Variants in CSMD1 observed in about 807,000 individuals in gnomAD.
CSMD1 encodes CUB and Sushi multiple domains 1.
Under a neutral mutation model 417.5 loss-of-function variants are expected in CSMD1, and 213 were observed. The observed-to-expected ratio is 0.51, with a 90% CI of 0.46 to 0.57. CSMD1 has a LOEUF of 0.57. Among genes scored for constraint, CSMD1 ranks in the 20% least tolerant of loss-of-function variants. The pLI, the probability that CSMD1 is intolerant of heterozygous loss-of-function variation, is 0.00. For synonymous variants in CSMD1, 2,862 were observed against 1,736.8 expected, an observed-to-expected ratio of 1.65 and a Z score of -16.11; for missense variants, 6,923 against 4,529.7, an observed-to-expected ratio of 1.53 and a Z score of -15.17.
intron 3 of CSMD1, among the ~76,000 whole-genome samples, chr8:4,345,008 T>A (rs1171941081): frequency 6.6e-6 from 1 of 152,140 alleles, no homozygotes; most frequent in African/African-American, 2.4e-5. Context: ...TGTTTCATTC[T>A]TTCTAAGGCA....
chr8:4,206,889 G>C (rs1010698532), intron 3 of CSMD1, among the ~76,000 whole-genome samples: 1 of 152,094 alleles, frequency 6.6e-6, no homozygotes, highest in African/African-American at 2.4e-5. Flanking sequence ...CCATAGTTCA[G>C]AAACTAAATA....
chr8:4,051,911 C>CTTT (rs1563058895), intron 3 of CSMD1, among the ~76,000 whole-genome samples: 22 of 128,752 alleles, frequency 1.7e-4, no homozygotes, highest in Admixed American at 8.7e-4. Context: ...TTCCTTCCTT[C>CTTT]CTTTCTTTCT....
intron 3 of CSMD1, among the ~76,000 whole-genome samples, chr8:4,049,431 A>C (rs1798310237): frequency 1.3e-5 from 2 of 151,530 alleles, no homozygotes; most frequent in Non-Finnish European, 2.9e-5. Flanking sequence ...CCAGCTCAAA[A>C]AACTACTGCC....
chr8:3,778,632 T>C (rs1477277286), intron 5 of CSMD1, among the ~76,000 whole-genome samples: 1 of 152,198 alleles, frequency 6.6e-6, no homozygotes, highest in African/African-American at 2.4e-5. Flanking sequence ...CTCTCCTTCC[T>C]GCCTCCAACC....
At chr8:4,046,308 T>A (rs1798143916) in intron 3 of CSMD1, among the ~76,000 whole-genome samples, 1 of 152,188 alleles carries the variant, frequency 6.6e-6, no homozygotes, top group Non-Finnish European at 1.5e-5. Flanking sequence ...TTATTTCTCT[T>A]CTTTGTCCTG....
intron 1 of CSMD1, among the ~76,000 whole-genome samples, chr8:4,666,983 T>C (rs1360097573): frequency 6.6e-6 from 1 of 152,188 alleles, no homozygotes; most frequent in African/African-American, 2.4e-5. Flanking sequence ...ATTCCTTTAG[T>C]TTATATATGT....
intron 1 of CSMD1, among the ~76,000 whole-genome samples, chr8:4,754,155 G>A (rs188061150): frequency 1.3e-5 from 2 of 152,254 alleles, no homozygotes; most frequent in Admixed American, 1.3e-4. Context: ...AGACACTTCT[G>A]ATTGAGCAAA....
chr8:4,660,617 T>A lies in CSMD1; in HGVS notation c.86-23059A>T, dbSNP rs73509086. ...ATCACAATCTATAAAATAAAAAATA[T>A]TATAAATTATAGTTCAGCAAAATTA... On this transcript the variant is annotated intron_variant, in intron 1 of 69. Coordinates refer to ENST00000635120, the MANE Select transcript of CSMD1 (RefSeq NM_033225.6). Among the ~76,000 whole-genome samples, 331 of 151,986 alleles carry A rather than the reference T, an allele frequency of 2.2e-3. 3 individuals carry two copies. The highest frequency in any genetic ancestry group is 7.5e-3 in the African/African-American group (309 of 41,414).
intron 1 of CSMD1, among the ~76,000 whole-genome samples, chr8:4,825,415 C>A (rs1021844265): frequency 6.6e-6 from 1 of 152,076 alleles, no homozygotes; most frequent in Non-Finnish European, 1.5e-5. Context: ...GATGGTGACT[C>A]TAGGCACAGT....
At chr8:4,375,335 G>A (rs115374015) in intron 3 of CSMD1, among the ~76,000 whole-genome samples, 145 of 152,186 alleles carry the variant, frequency 9.5e-4, no homozygotes, top group African/African-American at 3.2e-3. Context: ...TCTGTCAGGA[G>A]GGTGATCATC....
chr8:4,396,595 G>C (rs1804232297), intron 3 of CSMD1, among the ~76,000 whole-genome samples: 1 of 151,520 alleles, frequency 6.6e-6, no homozygotes, highest in Middle Eastern at 3.4e-3. Context: ...ATCAAGCAAT[G>C]AGTGCATAAG....
chr8:4,145,293 G>A (rs1049749281), intron 3 of CSMD1, among the ~76,000 whole-genome samples: 1 of 150,954 alleles, frequency 6.6e-6, no homozygotes, highest in Non-Finnish European at 1.5e-5. Flanking sequence ...ATGCTTTCTT[G>A]TTGAGAACTT....
intron 29 of CSMD1, 39 bp downstream of exon 29, chr8:3,219,216 A>G (rs916481784): frequency 1.3e-6 from 2 of 1,513,832 alleles, no homozygotes; most frequent in East Asian, 4.8e-5. Context: ...CAGTCCTGAT[A>G]CAAATTAATT....
chr8:4,245,543 C>T (rs920495296), intron 3 of CSMD1, among the ~76,000 whole-genome samples: 4 of 152,130 alleles, frequency 2.6e-5, no homozygotes, highest in African/African-American at 4.8e-5. Flanking sequence ...TGCTGGGATG[C>T]TAAACATGAG....
intron 2 of CSMD1, among the ~76,000 whole-genome samples, chr8:4,498,077 T>C (rs1335444713): frequency 2.0e-5 from 3 of 152,176 alleles, no homozygotes; most frequent in African/African-American, 7.2e-5. Context: ...ACCCTGCTTA[T>C]ACATCTATTT....
intron 3 of CSMD1, among the ~76,000 whole-genome samples, chr8:4,100,315 C>A (rs1235426980): frequency 6.6e-6 from 1 of 152,122 alleles, no homozygotes; most frequent in Non-Finnish European, 1.5e-5. Context: ...CCAAATGAAA[C>A]CTTCACCAAA....
At chr8:3,934,783 G>A (rs1181287451) in intron 5 of CSMD1, among the ~76,000 whole-genome samples, 2 of 152,052 alleles carry the variant, frequency 1.3e-5, no homozygotes, top group Admixed American at 6.6e-5. Flanking sequence ...GGAAGCAGAG[G>A]TTACAGTGAG....
intron 3 of CSMD1, among the ~76,000 whole-genome samples, chr8:4,304,042 G>C (rs1031571797): frequency 1.3e-5 from 2 of 152,124 alleles, no homozygotes; most frequent in African/African-American, 2.4e-5. Flanking sequence ...GCAGTGATGA[G>C]AGAACCAGGG....
In CSMD1 at chr8:3,268,287, CTATTT is replaced by C. The variant is rs1345506546; in HGVS notation, c.4153+15852_4153+15856del. 1.9e-3 allele frequency among the ~76,000 whole-genome samples: 213 copies of C among 114,620 alleles called. 6 individuals carry two copies. Among genetic ancestry groups the C allele is most frequent in the Admixed American group, 3.7e-3 (35 of 9,582 alleles). 75.2% of individuals were successfully genotyped at this position (114,620 alleles called of 152,430 possible). A position where few individuals can be genotyped will look rare whatever the true frequency, so the allele number is the denominator to read the frequency against. ...AGGGTGTGGTCAGATGGTTCATTTCCTATTTTTTTTTTTTTTTTTTTTTTTTTGAG... is the reference window on the plus strand; with the variant it reads ...AGGGTGTGGTCAGATGGTTCATTTCCTTTTTTTTTTTTTTTTTTTTTTGAG... On this transcript the variant is annotated intron_variant, in intron 26 of 69. Transcript: ENST00000635120.
Sources: gnomAD v4.1 joint callset for allele counts (sites outside exome capture counted in the v4.1 genomes callset) on GRCh38, gnomAD v4.1.1 for gene constraint, MANE v1.5 for transcripts, NCBI Gene and HGNC (gene_info 2026-07-23, HGNC 2026-07-21) for gene names.